The following METAP1D variants were observed in gnomAD, a reference collection of about 807,000 sequenced individuals.
The protein encoded by METAP1D is methionine aminopeptidase 1D, mitochondrial.
In METAP1D, 31 loss-of-function variants were observed where a neutral mutation model predicts 40.5. The observed-to-expected ratio is 0.77, with a 90% CI of 0.58 to 1.03. The LOEUF (loss-of-function observed/expected upper bound fraction) is 1.03. METAP1D is among the 50% of genes least tolerant of loss of function. The pLI, the probability that METAP1D is intolerant of heterozygous loss-of-function variation, is 0.00. For missense variants in METAP1D, 411 were observed against 420.7 expected (o/e 0.98, Z 0.20); for synonymous variants, 151 against 146.4 (o/e 1.03, Z -0.22).
At chr2:172,010,263 C>T (rs1239980338) in intron 1 of METAP1D, among the ~76,000 whole-genome samples, 1 of 151,406 alleles carries the variant, frequency 6.6e-6, no homozygotes, top group African/African-American at 2.4e-5. Flanking sequence ...ACCTCAGCCC[C>T]CCAAGTAGCT....
intron 1 of METAP1D, among the ~76,000 whole-genome samples, chr2:172,019,992 T>A (rs911522203): frequency 6.6e-6 from 1 of 152,076 alleles, no homozygotes; most frequent in Admixed American, 6.6e-5. Flanking sequence ...CAATCTCAGG[T>A]ATGTTTGTTT....
rs1690720555 is a variant in METAP1D, at chr2:172,081,674, G to A, written c.*1268G>A. ...CCTTCGGTTATGATTTTAGGAACAA[G>A]TCCAACGAGGGTGTTCAAGCAGTTA... On this transcript the variant is annotated 3_prime_UTR_variant, in exon 10 of 10. Coordinates refer to ENST00000315796, the MANE Select transcript of METAP1D (RefSeq NM_199227.3). 6.6e-6 allele frequency: 1 copy of A among 152,300 alleles called. No individual in the cohort carries two copies. Among genetic ancestry groups the A allele is most frequent in the South Asian group, 2.1e-4 (1 of 4,830 alleles). The allele number at this position is 152,300 out of a possible 1,614,324, so 9.4% of individuals were successfully genotyped here.
intron 1 of METAP1D, among the ~76,000 whole-genome samples, chr2:172,045,603 G>A (rs188067866): frequency 2.0e-5 from 3 of 148,484 alleles, no homozygotes; most frequent in African/African-American, 7.5e-5. Flanking sequence ...GGAGGTTGCG[G>A]TGAGCCGAGA....
At chr2:172,067,312 T>C (rs779200367) in intron 5 of METAP1D, among the ~76,000 whole-genome samples, 2 of 152,194 alleles carry the variant, frequency 1.3e-5, no homozygotes, top group Non-Finnish European at 2.9e-5. Context: ...GGAGTGGGAA[T>C]GAGATAAAAA....
intron 3 of METAP1D, among the ~76,000 whole-genome samples, chr2:172,064,669 A>T (rs1285693243): frequency 6.6e-6 from 1 of 152,086 alleles, no homozygotes; most frequent in Non-Finnish European, 1.5e-5. Flanking sequence ...CTTTCATAAT[A>T]ATCTGAAGCA....
At chr2:172,016,094 C>CAA (rs769072690) in intron 1 of METAP1D, among the ~76,000 whole-genome samples, 13 of 104,572 alleles carry the variant, frequency 1.2e-4, no homozygotes, top group African/African-American at 1.9e-4. Context: ...CCGTCTCTAT[C>CAA]AAAAAAAAAA....
intron 1 of METAP1D, among the ~76,000 whole-genome samples, chr2:172,055,231 A>G (rs7607377): frequency 0.067 from 10,219 of 152,198 alleles, 578 homozygotes; most frequent in Admixed American, 0.18. Context: ...CGGAGGGACT[A>G]TTTCTGTCTC....
chr2:172,065,062 T>TA (rs1473540904), intron 3 of METAP1D, among the ~76,000 whole-genome samples: 4 of 152,220 alleles, frequency 2.6e-5, no homozygotes, highest in African/African-American at 9.6e-5. Context: ...GAAGATTACT[T>TA]AAAATCAAAT....
rs1169885275 is a variant in METAP1D at position 172,076,832 on chromosome 2, A to G, written c.705-965A>G. Among the ~76,000 whole-genome samples the G allele has an allele frequency of 2.0e-5, 3 of 152,258 alleles. No individual in the cohort carries two copies. In the East Asian group the frequency reaches 5.8e-4, roughly 29 times the overall value. On this transcript the variant is annotated intron_variant, in intron 6 of 9. Transcript: ENST00000315796. ...TGAAATAGTAGTCCTGTAAATCCCA[A>G]TCTAGTGTTAGGGTTAGGGGCATTT... is the stretch of plus-strand genomic sequence containing the variant.
intron 1 of METAP1D, among the ~76,000 whole-genome samples, chr2:172,012,031 C>T (rs1302545459): frequency 6.6e-6 from 1 of 152,216 alleles, no homozygotes; most frequent in African/African-American, 2.4e-5. Context: ...TTATCTTTCA[C>T]ATTTAGAGTC....
intron 1 of METAP1D, among the ~76,000 whole-genome samples, chr2:172,030,255 A>G (rs963502455): frequency 2.0e-5 from 3 of 150,904 alleles, no homozygotes; most frequent in Non-Finnish European, 4.4e-5. Context: ...ATGCCTGGCT[A>G]ATTTTTTTTT....
intron 5 of METAP1D, among the ~76,000 whole-genome samples, chr2:172,066,896 C>T (rs115243755): frequency 1.2e-3 from 190 of 152,292 alleles, no homozygotes; most frequent in Non-Finnish European, 2.3e-3. Context: ...TATAGAGAGC[C>T]TTGTGCTCAA....
chr2:172,012,482 A>C (rs1406032407), intron 1 of METAP1D, among the ~76,000 whole-genome samples: 1 of 152,110 alleles, frequency 6.6e-6, no homozygotes, highest in Non-Finnish European at 1.5e-5. Flanking sequence ...AATTACCTAG[A>C]TTTTAAAAAG....
rs1346663055 is a variant in METAP1D at position 172,082,334 on chromosome 2, C to T, written c.*1928C>T. On this transcript the variant is annotated 3_prime_UTR_variant, in exon 10 of 10. Coordinates refer to ENST00000315796, the MANE Select transcript of METAP1D (RefSeq NM_199227.3). ...ATTAGGACCACAGGACTTTACTAAC[C>T]ACTGAGGTAACACGCTGCTTGTGCA... The T allele has an allele frequency of 6.6e-6, 1 of 152,200 alleles. No individual in the cohort carries two copies. Among genetic ancestry groups the T allele is most frequent in the Non-Finnish European group, 1.5e-5 (1 of 68,030 alleles). 9.4% of individuals were successfully genotyped at this position (152,200 alleles called of 1,614,324 possible).
At chr2:172,054,859 A>G (rs1348459869) in intron 1 of METAP1D, among the ~76,000 whole-genome samples, 1 of 152,196 alleles carries the variant, frequency 6.6e-6, no homozygotes, top group Non-Finnish European at 1.5e-5. Context: ...AATTTTTGTA[A>G]CACTAAAAAT....
intron 1 of METAP1D, among the ~76,000 whole-genome samples, chr2:172,010,527 T>C: frequency 7.7e-6 from 1 of 129,426 alleles, no homozygotes. Context: ...AGAATCTCAC[T>C]CTGTCACGCA....
At chr2:172,063,895 A>G in intron 3 of METAP1D, 35 bp downstream of exon 3, 8 of 1,540,466 alleles carry the variant, frequency 5.2e-6, no homozygotes, top group Non-Finnish European at 6.1e-6. Flanking sequence ...CGACTTACAT[A>G]AGGGGCAACA....
At chr2:172,017,690 G>A (rs1012366608) in intron 1 of METAP1D, among the ~76,000 whole-genome samples, 1 of 151,998 alleles carries the variant, frequency 6.6e-6, no homozygotes, top group African/African-American at 2.4e-5. Flanking sequence ...AAAAAAAAAT[G>A]GACTTGCAGA....
At chr2:172,051,761 A>G (rs1340261781) in intron 1 of METAP1D, among the ~76,000 whole-genome samples, 2 of 152,166 alleles carry the variant, frequency 1.3e-5, no homozygotes, top group Non-Finnish European at 2.9e-5. Context: ...GAATTCTGAC[A>G]TCTACAGACC....
Sources: gnomAD v4.1 joint callset for allele counts (sites outside exome capture counted in the v4.1 genomes callset) on GRCh38, gnomAD v4.1.1 for gene constraint, MANE v1.5 for transcripts, NCBI Gene and HGNC (gene_info 2026-07-23, HGNC 2026-07-21) for gene names.